Variants in ZNF83 observed in about 807,000 individuals in gnomAD.
The protein encoded by ZNF83 is zinc finger protein 816B.
For missense variants in ZNF83, 552 were observed against 629.9 expected (o/e 0.88, Z 1.32); for synonymous variants, 209 against 213.0 (o/e 0.98, Z 0.17).
intron 1 of ZNF83, among the ~76,000 whole-genome samples, chr19:52,688,246 C>T (rs7248822): frequency 0.015 from 2,241 of 152,138 alleles, 11 homozygotes; most frequent in Middle Eastern, 0.044. Flanking sequence ...TCTTGGCTCA[C>T]TGCAGCCTGG....
intron 1 of ZNF83, among the ~76,000 whole-genome samples, chr19:52,669,213 G>A (rs1180483874): frequency 6.6e-6 from 1 of 152,062 alleles, no homozygotes; most frequent in Admixed American, 6.6e-5. Flanking sequence ...CCAGAGAAAG[G>A]AAAAATAAGA....
At chr19:52,676,469 G>C (rs115678992) in intron 1 of ZNF83, among the ~76,000 whole-genome samples, 3 of 151,564 alleles carry the variant, frequency 2.0e-5, no homozygotes, top group Non-Finnish European at 4.4e-5. Context: ...AGCCTGCCCC[G>C]GCCCGGCTAG....
chr19:52,641,900 T>C (rs1234820060), upstream of ZNF83, among the ~76,000 whole-genome samples: 2 of 152,184 alleles, frequency 1.3e-5, no homozygotes, highest in Non-Finnish European at 2.9e-5. Flanking sequence ...AAGATGTACA[T>C]TAATTCGGTC....
chr19:52,628,173 CTT>C lies in ZNF83; in HGVS notation c.-234+6891_-234+6892del, dbSNP rs540182274. On this transcript the variant is annotated intron_variant, in intron 2 of 2. Transcript: ENST00000301096. ...TCACACAAAGCCTGTTTGGTGGTCT[CTT>C]CACACGGACACGCATGAAATTTGGT... Among the ~76,000 whole-genome samples, 650 of 152,256 alleles carry C rather than the reference CTT, an allele frequency of 4.3e-3. 5 individuals carry two copies. The highest frequency in any genetic ancestry group is 0.014 in the African/African-American group (601 of 41,548).
exon 3 of ZNF83, chr19:52,613,166 TAA>T (rs1301134218): frequency 6.2e-7 from 1 of 1,614,024 alleles, no homozygotes; most frequent in Non-Finnish European, 8.5e-7. Flanking sequence ...GAACGCATAC[TAA>T]AAGCTTTGCC....
intron 1 of ZNF83, among the ~76,000 whole-genome samples, chr19:52,686,459 CATATAT>C (rs3055374): frequency 1.1e-3 from 157 of 143,110 alleles, no homozygotes; most frequent in African/African-American, 3.0e-3. Context: ...AAAAAAATTA[CATATAT>C]ATATATATAT....
intron 1 of ZNF83, among the ~76,000 whole-genome samples, chr19:52,665,762 C>A (rs1057443302): frequency 6.6e-6 from 1 of 152,264 alleles, no homozygotes; most frequent in Non-Finnish European, 1.5e-5. Flanking sequence ...GGGAATGACA[C>A]AGCAGCAGGG....
chr19:52,620,865 C>T (rs2060517479), intron 2 of ZNF83, among the ~76,000 whole-genome samples: 1 of 152,198 alleles, frequency 6.6e-6, no homozygotes, highest in African/African-American at 2.4e-5. Flanking sequence ...TGACATTCTT[C>T]TTCTGGACAA....
At chr19:52,626,384 T>C (rs1427645154) in intron 2 of ZNF83, among the ~76,000 whole-genome samples, 2 of 152,224 alleles carry the variant, frequency 1.3e-5, no homozygotes, top group African/African-American at 4.8e-5. Context: ...TATTTTTAAA[T>C]GAAGAGTATT....
upstream of ZNF83, among the ~76,000 whole-genome samples, chr19:52,640,227 G>A (rs2061282689): frequency 6.6e-6 from 1 of 152,164 alleles, no homozygotes; most frequent in South Asian, 2.1e-4. Flanking sequence ...GTAAGATTAA[G>A]TACTGAGTTT....
intron 1 of ZNF83, chr19:52,635,880 T>C (rs188545282): frequency 6.6e-6 from 1 of 151,302 alleles, no homozygotes; most frequent in Non-Finnish European, 1.5e-5. Flanking sequence ...TAATCCCAGC[T>C]AGTTGGGAGG....
chr19:52,633,754 T>C (rs2061051886), intron 2 of ZNF83, among the ~76,000 whole-genome samples: 2 of 151,186 alleles, frequency 1.3e-5, no homozygotes, highest in South Asian at 2.1e-4. Flanking sequence ...CTTCTAAAAA[T>C]ACAAAATTAG....
intron 1 of ZNF83, among the ~76,000 whole-genome samples, chr19:52,686,479 TATAA>T (rs1250734791): frequency 1.7e-5 from 2 of 116,744 alleles, no homozygotes; most frequent in Admixed American, 8.5e-5. Context: ...TATATATATA[TATAA>T]ATAAATGAGA....
In ZNF83 at chr19:52,654,311, T is replaced by C. The variant is rs1022179864; in HGVS notation, c.-74+1250A>G. 9.4e-6 allele frequency: 14 copies of C among 1,488,478 alleles called. No homozygotes were observed. The East Asian group carries it at 2.5e-4, about 26-fold the overall frequency. The allele number at this position is 1,488,478 out of a possible 1,614,324, so 92.2% of individuals were successfully genotyped here. ...AAGCAAAAATCTCCAATGTGATGAC[T>C]TTTATGTCTTTGCAATGTCCCTGTG... On this transcript the variant is annotated intron_variant, in intron 3 of 5. Coordinates refer to the ZNF83 transcript ENST00000594682.
intron 2 of ZNF83, among the ~76,000 whole-genome samples, chr19:52,623,258 T>C (rs1171235738): frequency 6.6e-6 from 1 of 152,130 alleles, no homozygotes; most frequent in Non-Finnish European, 1.5e-5. Flanking sequence ...CTCTGGACCA[T>C]CAGGGATGCT....
chr19:52,612,873 T>C, exon 3 of ZNF83: 1 of 675,500 alleles, frequency 1.5e-6, no homozygotes, highest in Non-Finnish European at 2.4e-6. Flanking sequence ...GTTTCTGTCC[T>C]CTATGGTCTA....
At chr19:52,675,275 GGTAA>G (rs2147325932) in intron 1 of ZNF83, among the ~76,000 whole-genome samples, 1 of 152,284 alleles carries the variant, frequency 6.6e-6, no homozygotes, top group East Asian at 1.9e-4. Flanking sequence ...TTGCATGTAC[GGTAA>G]GTGAGGGACA....
At chr19:52,644,247 C>T (rs1163686419) in intron 3 of ZNF83, among the ~76,000 whole-genome samples, 3 of 151,730 alleles carry the variant, frequency 2.0e-5, no homozygotes, top group Non-Finnish European at 2.9e-5. Context: ...GGACAGTCCC[C>T]TCTCACAGAA....
At chr19:52,631,973 GC>G (rs35550914) in intron 2 of ZNF83, among the ~76,000 whole-genome samples, 41,617 of 142,322 alleles carry the variant, frequency 0.29, 3,314 homozygotes, top group East Asian at 0.51. Context: ...TCGAGGATTT[GC>G]CCCCACCCAG....
Sources: gnomAD v4.1 joint callset for allele counts (sites outside exome capture counted in the v4.1 genomes callset) on GRCh38, gnomAD v4.1.1 for gene constraint, MANE v1.5 for transcripts, NCBI Gene and HGNC (gene_info 2026-07-23, HGNC 2026-07-21) for gene names.